ADCY2: variants seen among roughly 807,000 people sequenced by gnomAD.
ADCY2 encodes the protein adenylate cyclase 2.
In ADCY2, 31 loss-of-function variants were observed where a neutral mutation model predicts 125.2. That is an observed-to-expected ratio of 0.25 (90% CI 0.19 to 0.33). The LOEUF (loss-of-function observed/expected upper bound fraction) is 0.33. Among genes scored for constraint, ADCY2 ranks in the 10% least tolerant of loss-of-function variants. The pLI, the probability that ADCY2 is intolerant of heterozygous loss-of-function variation, is 1.00. For missense variants in ADCY2, 904 were observed against 1,418.2 expected (o/e 0.64, Z 5.82); for synonymous variants, 512 against 548.4 (o/e 0.93, Z 0.93).
intron 3 of ADCY2, among the ~76,000 whole-genome samples, chr5:7,546,871 T>C (rs1408147834): frequency 6.6e-6 from 1 of 152,202 alleles, no homozygotes; most frequent in Admixed American, 6.5e-5. Flanking sequence ...CAGCTTTAAA[T>C]TGTCACCTCC....
chr5:7,490,764 G>T (rs1376509827), intron 2 of ADCY2, among the ~76,000 whole-genome samples: 1 of 152,104 alleles, frequency 6.6e-6, no homozygotes, highest in African/African-American at 2.4e-5. Flanking sequence ...TTGGTTTAAG[G>T]TATGCCAAGC....
intron 4 of ADCY2, among the ~76,000 whole-genome samples, chr5:7,641,849 C>T (rs1343418855): frequency 6.6e-6 from 1 of 151,982 alleles, no homozygotes; most frequent in Non-Finnish European, 1.5e-5. Flanking sequence ...CTGGAAAGGA[C>T]TGATTTTATT....
At chr5:7,644,867 C>T (rs549895215) in intron 4 of ADCY2, among the ~76,000 whole-genome samples, 6 of 152,242 alleles carry the variant, frequency 3.9e-5, no homozygotes, top group East Asian at 3.9e-4. Context: ...TCTTGCCATA[C>T]AGTAGTATCA....
At chr5:7,496,134 G>A (rs1743338067) in intron 2 of ADCY2, among the ~76,000 whole-genome samples, 1 of 152,066 alleles carries the variant, frequency 6.6e-6, no homozygotes, top group Admixed American at 6.5e-5. Flanking sequence ...TGATTTTGAA[G>A]GCAAACAACA....
intron 15 of ADCY2, among the ~76,000 whole-genome samples, chr5:7,756,333 T>C (rs1404525390): frequency 6.6e-6 from 1 of 152,238 alleles, no homozygotes; most frequent in African/African-American, 2.4e-5. Flanking sequence ...ATGCTGGCTG[T>C]CGTTCCCCAA....
chr5:7,558,413 T>A (rs185676114), intron 3 of ADCY2, among the ~76,000 whole-genome samples: 3 of 152,334 alleles, frequency 2.0e-5, no homozygotes, highest in Admixed American at 6.5e-5. Context: ...ATTGTGGTTT[T>A]GATTTGCATT....
chr5:7,737,291 T>C (rs1000752535), intron 14 of ADCY2, among the ~76,000 whole-genome samples: 2 of 152,186 alleles, frequency 1.3e-5, no homozygotes, highest in African/African-American at 4.8e-5. Flanking sequence ...TCCTACCACC[T>C]CTAGACTTGT....
chr5:7,682,397 C>T (rs1024128666), intron 4 of ADCY2, among the ~76,000 whole-genome samples: 1 of 152,200 alleles, frequency 6.6e-6, no homozygotes, highest in African/African-American at 2.4e-5. Flanking sequence ...ATTTCAGGGT[C>T]TGGTCTCCCC....
At chr5:7,804,069 A>AGAGAGAGAGAGCGAGAGC (rs1553990875) in intron 21 of ADCY2, among the ~76,000 whole-genome samples, 3 of 140,510 alleles carry the variant, frequency 2.1e-5, no homozygotes, top group South Asian at 2.2e-4. Context: ...AGAGAGAGAG[A>AGAGAGAGAGAGCGAGAGC]GAGAGCTGGT....
chr5:7,598,378 A>G (rs1008097920), intron 3 of ADCY2, among the ~76,000 whole-genome samples: 8 of 152,212 alleles, frequency 5.3e-5, no homozygotes, highest in Admixed American at 1.3e-4. Flanking sequence ...GACATCCTAT[A>G]CTATTTTAAG....
intron 10 of ADCY2, among the ~76,000 whole-genome samples, chr5:7,710,861 G>A (rs909585036): frequency 2.0e-5 from 3 of 152,096 alleles, no homozygotes; most frequent in African/African-American, 7.2e-5. Flanking sequence ...GCAAATTCAG[G>A]GGCTAACGTG....
At chr5:7,773,133 A>G (rs777661035) in intron 18 of ADCY2, 32 bp downstream of exon 18, 3 of 1,605,106 alleles carry the variant, frequency 1.9e-6, no homozygotes, top group Non-Finnish European at 2.6e-6. Flanking sequence ...CTCTTACTAT[A>G]GTTCTTTCCC....
intron 16 of ADCY2, among the ~76,000 whole-genome samples, chr5:7,762,343 G>A (rs1300398936): frequency 6.6e-6 from 1 of 152,218 alleles, no homozygotes; most frequent in South Asian, 2.1e-4. Flanking sequence ...TCACAGAAGA[G>A]GCAGGACTTG....
chr5:7,579,489 G>A (rs1248380797), intron 3 of ADCY2, among the ~76,000 whole-genome samples: 2 of 152,180 alleles, frequency 1.3e-5, no homozygotes, highest in East Asian at 3.9e-4. Context: ...ACCTGAGACT[G>A]GCTGTTGAAA....
At chr5:7,805,371 G>C (rs1296159950) in intron 22 of ADCY2, among the ~76,000 whole-genome samples, 1 of 151,988 alleles carries the variant, frequency 6.6e-6, no homozygotes, top group Admixed American at 6.6e-5. Flanking sequence ...TTGGCCACAT[G>C]GAAATTTCAT....
chr5:7,446,537 A>ATAC (rs1741258603), intron 2 of ADCY2, among the ~76,000 whole-genome samples: 43 of 150,838 alleles, frequency 2.9e-4, no homozygotes, highest in African/African-American at 1.0e-3. Flanking sequence ...CTCTGAAATA[A>ATAC]ATACATACAT....
In ADCY2 at chr5:7,396,581, C is replaced by A. The variant is rs1739051389; in HGVS notation, c.210+75C>A. 3.7e-6 allele frequency: 5 copies of A among 1,339,372 alleles called. No individual in the cohort carries two copies. Among genetic ancestry groups the A allele is most frequent in the African/African-American group, 1.7e-5 (1 of 59,612 alleles). The allele number at this position is 1,339,372 out of a possible 1,614,324, so 83.0% of individuals were successfully genotyped here. ...AGGAGCCCGGCCAGCCGAGCCGCGT[C>A]CCGCTCCGGGCTGCCCCTCGGCCCG... On this transcript the variant is annotated intron_variant, in intron 1 of 24. Transcript: ENST00000338316. The surrounding 1 kb of genome is among the most constrained non-coding windows in gnomAD (Gnocchi z 5.7).
At chr5:7,753,352 C>T (rs889496416) in intron 15 of ADCY2, among the ~76,000 whole-genome samples, 4 of 152,080 alleles carry the variant, frequency 2.6e-5, no homozygotes, top group Non-Finnish European at 4.4e-5. Flanking sequence ...TCATGGGGTT[C>T]AGTGAGATGA....
intron 2 of ADCY2, among the ~76,000 whole-genome samples, chr5:7,519,383 G>A (rs1744364033): frequency 6.6e-6 from 1 of 152,148 alleles, no homozygotes. Flanking sequence ...GCGCTTGAGC[G>A]TCCCCTTCAG....
Sources: allele counts gnomAD v4.1 joint callset (sites outside exome capture counted in the v4.1 genomes callset), GRCh38; gene constraint gnomAD v4.1.1; non-coding constraint Gnocchi (gnomAD v3.1); transcripts MANE v1.5; gene names NCBI Gene and HGNC (gene_info 2026-07-23, HGNC 2026-07-21).